The following SCHIP1 variants were observed in gnomAD, a reference collection of about 807,000 sequenced individuals.
SCHIP1 encodes schwannomin interacting protein 1, also known as schwannomin-interacting protein 1.
Under a neutral mutation model 29.7 loss-of-function variants are expected in SCHIP1, and 8 were observed. That is an observed-to-expected ratio of 0.27 (90% CI 0.16 to 0.49). The LOEUF (loss-of-function observed/expected upper bound fraction) is 0.49, where lower values mean the gene tolerates loss of function less well. SCHIP1 is among the 20% of genes least tolerant of loss of function. The probability of loss-of-function intolerance (pLI) is 0.99; values close to 1 mark genes in which losing one functional copy is unlikely to be tolerated. For synonymous variants in SCHIP1, 76 were observed against 94.9 expected, an observed-to-expected ratio of 0.80 and a Z score of 1.16; for missense variants, 193 against 294.6, an observed-to-expected ratio of 0.66 and a Z score of 2.52.
the SCHIP1 span, among the ~76,000 whole-genome samples, chr3:159,688,919 G>T: frequency 6.6e-6 from 1 of 152,074 alleles, no homozygotes; most frequent in Non-Finnish European, 1.5e-5. Context: ...GATGTGTGGT[G>T]TTATTTGTGA....
At chr3:159,659,688 C>A in the SCHIP1 span, among the ~76,000 whole-genome samples, 5 of 152,138 alleles carry the variant, frequency 3.3e-5, no homozygotes, top group South Asian at 4.2e-4. Context: ...AATATAATAT[C>A]CTTGTTAATG....
the SCHIP1 span, among the ~76,000 whole-genome samples, chr3:159,676,574 C>T: frequency 6.6e-6 from 1 of 152,170 alleles, no homozygotes; most frequent in African/African-American, 2.4e-5. Context: ...AAGTCTTCTA[C>T]ATTCTTTCAG....
the SCHIP1 span, chr3:159,401,204 T>A: frequency 4.2e-6 from 4 of 956,698 alleles, no homozygotes; most frequent in South Asian, 1.9e-4. Context: ...AAATACATGC[T>A]TTGTAATAAG....
the SCHIP1 span, among the ~76,000 whole-genome samples, chr3:159,834,197 AT>A: frequency 6.6e-5 from 10 of 152,220 alleles, no homozygotes; most frequent in Admixed American, 2.0e-4. Flanking sequence ...TATGTCAGAC[AT>A]TGGGGATATA....
the SCHIP1 span, among the ~76,000 whole-genome samples, chr3:159,804,201 C>A: frequency 6.6e-6 from 1 of 152,062 alleles, no homozygotes. Flanking sequence ...ATAGGAAATC[C>A]CACTCTTTTA....
At chr3:159,604,478 CATTGCT>C in the SCHIP1 span, among the ~76,000 whole-genome samples, 3 of 152,160 alleles carry the variant, frequency 2.0e-5, no homozygotes, top group South Asian at 4.1e-4. Context: ...ACTTAACTGG[CATTGCT>C]GAGTGGCTTC....
At chr3:159,710,760 A>G in the SCHIP1 span, among the ~76,000 whole-genome samples, 4 of 152,234 alleles carry the variant, frequency 2.6e-5, no homozygotes, top group Non-Finnish European at 5.9e-5. Context: ...ACTAAAAGAA[A>G]AAAGCACAAT....
the SCHIP1 span, among the ~76,000 whole-genome samples, chr3:159,769,689 G>C: frequency 6.6e-6 from 1 of 152,208 alleles, no homozygotes; most frequent in Non-Finnish European, 1.5e-5. Context: ...GGCGGAGGTT[G>C]CAGTGAGCCA....
At chr3:159,772,523 T>G in the SCHIP1 span, among the ~76,000 whole-genome samples, 1 of 152,210 alleles carries the variant, frequency 6.6e-6, no homozygotes, top group Non-Finnish European at 1.5e-5. Context: ...AAGTCCTCCC[T>G]CCCCCTTAAA....
chr3:159,604,667 T>C, the SCHIP1 span, among the ~76,000 whole-genome samples: 5 of 152,176 alleles, frequency 3.3e-5, no homozygotes, highest in Non-Finnish European at 7.3e-5. Context: ...ATAAATCAGA[T>C]CTACATTTGA....
the SCHIP1 span, among the ~76,000 whole-genome samples, chr3:159,758,202 G>A: frequency 6.6e-6 from 1 of 152,034 alleles, no homozygotes; most frequent in Non-Finnish European, 1.5e-5. Flanking sequence ...ACCCAGGCTG[G>A]AATGCAGTGG....
chr3:159,580,006 GCCATAAA>G, the SCHIP1 span, among the ~76,000 whole-genome samples: 1 of 152,120 alleles, frequency 6.6e-6, no homozygotes, highest in East Asian at 1.9e-4. Context: ...CAGAAATATA[GCCATAAA>G]CCAGCTTGTC....
the SCHIP1 span, among the ~76,000 whole-genome samples, chr3:159,567,311 T>G: frequency 6.6e-6 from 1 of 152,236 alleles, no homozygotes; most frequent in Admixed American, 6.5e-5. Context: ...CAGTGTTTAC[T>G]GATGTATTGA....
At chr3:159,774,547 T>C in the SCHIP1 span, among the ~76,000 whole-genome samples, 59 of 152,326 alleles carry the variant, frequency 3.9e-4, no homozygotes, top group African/African-American at 1.3e-3. Flanking sequence ...ATTTGCATCA[T>C]TTTATGTTAT....
At chr3:159,535,020 CT>C in the SCHIP1 span, among the ~76,000 whole-genome samples, 12 of 152,244 alleles carry the variant, frequency 7.9e-5, no homozygotes, top group East Asian at 1.4e-3. Flanking sequence ...CAATTTCTGT[CT>C]GCTGTTCTGA....
the SCHIP1 span, among the ~76,000 whole-genome samples, chr3:159,370,882 G>A: frequency 0.011 from 1,738 of 152,214 alleles, 37 homozygotes; most frequent in African/African-American, 0.04. Context: ...TTAGTTCTCA[G>A]GCCTTCAGAC....
chr3:159,570,759 G>T, the SCHIP1 span, among the ~76,000 whole-genome samples: 1 of 152,144 alleles, frequency 6.6e-6, no homozygotes, highest in Non-Finnish European at 1.5e-5. Context: ...TCCCAACATT[G>T]ATTCTTCGTA....
the SCHIP1 span, among the ~76,000 whole-genome samples, chr3:159,701,122 A>T: frequency 3.9e-5 from 6 of 152,190 alleles, no homozygotes; most frequent in African/African-American, 1.4e-4. Context: ...CTTCCAGAAT[A>T]TACACCAGAC....
intron 3 of SCHIP1, chr3:159,886,545 T>G (rs1716979093): frequency 2.3e-6 from 1 of 433,830 alleles, no homozygotes; most frequent in Non-Finnish European, 4.1e-6. Flanking sequence ...ATTTTCATAT[T>G]AAACCATTAG....
Sources: allele counts gnomAD v4.1 joint callset (sites outside exome capture counted in the v4.1 genomes callset), GRCh38; gene constraint gnomAD v4.1.1; transcripts MANE v1.5; gene names NCBI Gene and HGNC (gene_info 2026-07-23, HGNC 2026-07-21).